BCAR3: variants seen among roughly 807,000 people sequenced by gnomAD.
The protein encoded by BCAR3 is BCAR3 adaptor protein, NSP family member.
In BCAR3, 37 loss-of-function variants were observed where a neutral mutation model predicts 80.1. The observed-to-expected ratio is 0.46, with a 90% CI of 0.36 to 0.61. The LOEUF (loss-of-function observed/expected upper bound fraction) is 0.61, where lower values mean the gene tolerates loss of function less well. Ranked by LOEUF, BCAR3 falls within the 20% of genes least tolerant of loss-of-function variation. BCAR3 has a pLI of 0.00. For missense variants in BCAR3, 978 were observed against 1,068.2 expected, an observed-to-expected ratio of 0.92 and a Z score of 1.18; for synonymous variants, 389 against 418.9, an observed-to-expected ratio of 0.93 and a Z score of 0.87.
chr1:93,655,004 A>G (rs1395651613), intron 2 of BCAR3, among the ~76,000 whole-genome samples: 2 of 152,190 alleles, frequency 1.3e-5, no homozygotes, highest in Non-Finnish European at 2.9e-5. Flanking sequence ...TCACCTTGGT[A>G]CCCTCAGTGC....
chr1:93,811,786 T>G (rs1653853825), intron 2 of BCAR3, among the ~76,000 whole-genome samples: 1 of 152,238 alleles, frequency 6.6e-6, no homozygotes, highest in African/African-American at 2.4e-5. Flanking sequence ...TCATTTGTTC[T>G]ACATTCTGGA....
chr1:93,618,671 T>C (rs1002167009), intron 3 of BCAR3, among the ~76,000 whole-genome samples: 2 of 152,174 alleles, frequency 1.3e-5, no homozygotes, highest in Admixed American at 1.3e-4. Context: ...CAATTTTCTG[T>C]TTTTAGCGTT....
intron 11 of BCAR3, among the ~76,000 whole-genome samples, chr1:93,562,756 G>C (rs11164950): frequency 0.067 from 8,230 of 122,130 alleles, 809 homozygotes; most frequent in African/African-American, 0.24. Flanking sequence ...GGTGACAAGC[G>C]AGACTCCATC....
intron 2 of BCAR3, among the ~76,000 whole-genome samples, chr1:93,810,192 C>CAAAA (rs111305058): frequency 0.012 from 1,176 of 98,810 alleles, 11 homozygotes; most frequent in Middle Eastern, 0.025. Context: ...GACTCCATCT[C>CAAAA]AAAAAAAAAA....
chr1:93,641,312 T>C (rs1178502651), intron 3 of BCAR3, among the ~76,000 whole-genome samples: 2 of 152,154 alleles, frequency 1.3e-5, no homozygotes. Flanking sequence ...AAGGCATGGG[T>C]ACACACAAAA....
chr1:93,738,788 G>C (rs915987602), intron 2 of BCAR3, among the ~76,000 whole-genome samples: 4 of 152,146 alleles, frequency 2.6e-5, no homozygotes, highest in Admixed American at 6.5e-5. Flanking sequence ...GTTAGGACTG[G>C]GGGTGCCAGA....
intron 2 of BCAR3, among the ~76,000 whole-genome samples, chr1:93,769,970 G>C (rs1271808945): frequency 6.6e-6 from 1 of 152,170 alleles, no homozygotes; most frequent in South Asian, 2.1e-4. Context: ...CCAAGAAAGA[G>C]GACAAAAGCA....
rs1323530520 is a variant in BCAR3 at position 93,763,332 on chromosome 1, GGGATTATAGACATGAGCATTGCAGCCA to G, written c.-62-57217_-62-57191del. ...TCCTGCCTCGGCCTCCCAAAGTGCT[GGGATTATAGACATGAGCATTGCAGCCA>G]GCCTGCTAACACTTACTGTTGAATG... On this transcript the variant is annotated intron_variant, in intron 2 of 13. Coordinates refer to the BCAR3 transcript ENST00000370244. Among the ~76,000 whole-genome samples, 9 of 152,140 alleles carry G rather than the reference GGGATTATAGACATGAGCATTGCAGCCA, an allele frequency of 5.9e-5. No homozygotes were observed. In the East Asian group the frequency reaches 1.7e-3, roughly 29 times the overall value.
chr1:93,572,762 T>A (rs1673271032), intron 8 of BCAR3, among the ~76,000 whole-genome samples: 1 of 152,182 alleles, frequency 6.6e-6, no homozygotes, highest in Admixed American at 6.5e-5. Context: ...GTTACTAAAA[T>A]ACAGCATGCA....
In BCAR3 at chr1:93,592,495, C is replaced by T. The variant is rs1674255162; in HGVS notation, c.358-102G>A. The T allele has an allele frequency of 7.0e-7, 1 of 1,433,434 alleles. No individual in the cohort carries two copies. Among genetic ancestry groups the T allele is most frequent in the Non-Finnish European group, 9.3e-7 (1 of 1,076,480 alleles). 88.8% of individuals were successfully genotyped at this position (1,433,434 alleles called of 1,614,324 possible). A position where few individuals can be genotyped will look rare whatever the true frequency, so the allele number is the denominator to read the frequency against. ...TTCACTAATCCAACCAGTTATGCTACAGCCTGCATTCAGGTAGGGGAGCCT... is the reference window on the plus strand; with the variant it reads ...TTCACTAATCCAACCAGTTATGCTATAGCCTGCATTCAGGTAGGGGAGCCT... On this transcript the variant is annotated intron_variant, in intron 3 of 11. Coordinates refer to ENST00000260502, the MANE Select transcript of BCAR3 (RefSeq NM_003567.4). This position sits in a 1 kb window ranked among gnomAD's most constrained non-coding sequence, Gnocchi z 4.8.
At chr1:93,687,895 C>T (rs970686591) in intron 3 of BCAR3, among the ~76,000 whole-genome samples, 3 of 152,184 alleles carry the variant, frequency 2.0e-5, no homozygotes, top group Non-Finnish European at 2.9e-5. Flanking sequence ...ATAACAAGTG[C>T]TTAAGCTATC....
chr1:93,763,949 G>A (rs1652051447), intron 2 of BCAR3, among the ~76,000 whole-genome samples: 1 of 152,154 alleles, frequency 6.6e-6, no homozygotes, highest in Admixed American at 6.5e-5. Context: ...ATGGGATCCA[G>A]CTCTGTCACC....
intron 3 of BCAR3, among the ~76,000 whole-genome samples, chr1:93,606,656 G>C (rs1674779261): frequency 1.3e-5 from 2 of 152,150 alleles, no homozygotes. Context: ...AGGTTGACTG[G>C]AGAGCCTATC....
chr1:93,582,630 T>G lies in BCAR3; in HGVS notation c.1357A>C (p.Ser453Arg). ...GAKLPSCAQG[S>R]HTELLTAKQN... ...TTGGCTGTGAGCAGTTCTGTGTGGC[T>G]TCCCTGGGCACATGAGGGTAGCTTT... Residue 453 changes from serine to arginine, a missense_variant, in exon 7 of 12, where the codon AGC becomes CGC. Coordinates refer to ENST00000260502, the MANE Select transcript of BCAR3 (RefSeq NM_003567.4). 1 of 1,613,982 alleles carries G rather than the reference T, an allele frequency of 6.2e-7. No homozygotes were observed. Among genetic ancestry groups the G allele is most frequent in the African/African-American group, 1.3e-5 (1 of 75,008 alleles).
intron 2 of BCAR3, among the ~76,000 whole-genome samples, chr1:93,814,247 A>G (rs1653943648): frequency 6.6e-6 from 1 of 152,198 alleles, no homozygotes; most frequent in Non-Finnish European, 1.5e-5. Context: ...TGTATTCTCA[A>G]CATTGCAGCT....
At chr1:93,775,480 G>C (rs1652513999) in intron 2 of BCAR3, 1 of 152,190 alleles carries the variant, frequency 6.6e-6, no homozygotes, top group African/African-American at 2.4e-5. Flanking sequence ...TTTGTTGTGT[G>C]CTTGCTTCAT....
At chr1:93,598,037 C>T (rs1247667241) in intron 3 of BCAR3, among the ~76,000 whole-genome samples, 2 of 152,244 alleles carry the variant, frequency 1.3e-5, no homozygotes, top group African/African-American at 4.8e-5. Context: ...GATTGGAAAA[C>T]ACATTCTGGA....
intron 2 of BCAR3, among the ~76,000 whole-genome samples, chr1:93,669,688 C>T (rs1209915413): frequency 1.3e-5 from 2 of 152,238 alleles, no homozygotes; most frequent in Admixed American, 6.5e-5. Flanking sequence ...CCTAGCAACA[C>T]AGACATCCCG....
At chr1:93,769,355 A>ATGTGTGTGTGTGTGTGTGTGTGTGTG (rs59798936) in intron 2 of BCAR3, among the ~76,000 whole-genome samples, 3 of 119,840 alleles carry the variant, frequency 2.5e-5, no homozygotes, top group African/African-American at 6.4e-5. Flanking sequence ...GTGGGTAGGA[A>ATGTGTGTGTGTGTGTGTGTGTGTGTG]TGTGTGTGTG....
Sources: allele counts gnomAD v4.1 joint callset (sites outside exome capture counted in the v4.1 genomes callset), GRCh38; gene constraint gnomAD v4.1.1; non-coding constraint Gnocchi (gnomAD v3.1); transcripts MANE v1.5; gene names NCBI Gene and HGNC (gene_info 2026-07-23, HGNC 2026-07-21).